Variants in SERINC5 observed in about 807,000 individuals in gnomAD.
The protein encoded by SERINC5 is chromosome 5 open reading frame 12.
SERINC5 carries 41 observed loss-of-function variants against 63.1 expected under a neutral mutation model. That is an observed-to-expected ratio of 0.65 (90% CI 0.51 to 0.84). SERINC5 has a LOEUF of 0.84. Among genes scored for constraint, SERINC5 ranks in the 40% least tolerant of loss-of-function variants. The pLI is 0.00. For missense variants in SERINC5, 523 were observed against 573.0 expected (o/e 0.91, Z 0.89); for synonymous variants, 222 against 215.2 (o/e 1.03, Z -0.28).
intron 1 of SERINC5, among the ~76,000 whole-genome samples, chr5:80,217,866 G>A (rs1044123927): frequency 5.9e-5 from 9 of 152,102 alleles, no homozygotes; most frequent in Non-Finnish European, 1.0e-4. Flanking sequence ...GAAAACCGAG[G>A]CCCAGAAAGG....
In SERINC5 at chr5:80,159,356, T is replaced by C. The variant is rs190630088; in HGVS notation, c.860-394A>G. On this transcript the variant is annotated intron_variant, in intron 7 of 11. Transcript: ENST00000507668. ...CAACAGCCAACAATAGCTCCTAAAC[T>C]AGTTGAGAAGTCATTTTGCTGTAAG... Among the ~76,000 whole-genome samples, 101 of 152,048 alleles carry C rather than the reference T, an allele frequency of 6.6e-4. 1 individual carries two copies. In the South Asian group the frequency reaches 8.7e-3, roughly 13 times the overall value.
Position 80,143,211 on chromosome 5 carries a change from ACAAGG to A in SERINC5, c.*447_*451del, listed in dbSNP as rs1002329739. ...GTCCTGTCCTCAAAGCCCCCTGGGG[ACAAGG>A]CTCTAAGAGGCGGAAGTGAGTGAGA... On this transcript the variant is annotated 3_prime_UTR_variant, in exon 12 of 12. Coordinates refer to ENST00000507668, the MANE Select transcript of SERINC5 (RefSeq NM_001174072.3). 2.0e-6 allele frequency: 2 copies of A among 988,392 alleles called. No individual in the cohort carries two copies. Among genetic ancestry groups the A allele is most frequent in the African/African-American group, 3.5e-5 (2 of 57,252 alleles). 61.2% of individuals were successfully genotyped at this position (988,392 alleles called of 1,614,324 possible).
intron 1 of SERINC5, among the ~76,000 whole-genome samples, chr5:80,250,830 C>T (rs966856210): frequency 6.6e-6 from 1 of 152,146 alleles, no homozygotes; most frequent in African/African-American, 2.4e-5. Context: ...TGTAACTTTT[C>T]ACTTTCCTGA....
At chr5:80,255,873 G>T in intron 1 of SERINC5, 23 bp downstream of exon 1, 1 of 1,589,466 alleles carries the variant, frequency 6.3e-7, no homozygotes. Context: ...GACAACCCCC[G>T]CGCTGCGCCC....
At chr5:80,188,113 T>C (rs577419565) in intron 2 of SERINC5, among the ~76,000 whole-genome samples, 2 of 151,864 alleles carry the variant, frequency 1.3e-5, no homozygotes, top group South Asian at 4.2e-4. Context: ...TGAAACCCCG[T>C]CTCTGCTAAA....
At chr5:80,199,866 G>A (rs766820553) in intron 2 of SERINC5, among the ~76,000 whole-genome samples, 1 of 152,070 alleles carries the variant, frequency 6.6e-6, no homozygotes, top group Non-Finnish European at 1.5e-5. Flanking sequence ...CCACCTTAAT[G>A]GATTTAGAAA....
At chr5:80,238,141 T>C (rs1406598909) in intron 1 of SERINC5, among the ~76,000 whole-genome samples, 2 of 142,148 alleles carry the variant, frequency 1.4e-5, no homozygotes, top group Non-Finnish European at 3.1e-5. Context: ...AAAAGAAAAA[T>C]TGCAATCCCG....
intron 5 of SERINC5, among the ~76,000 whole-genome samples, chr5:80,172,519 A>G (rs955345596): frequency 1.3e-5 from 2 of 152,222 alleles, no homozygotes; most frequent in Non-Finnish European, 2.9e-5. Flanking sequence ...GTGTTCAAGC[A>G]ACCCAGCTAA....
intron 6 of SERINC5, among the ~76,000 whole-genome samples, chr5:80,168,081 T>A (rs1478113341): frequency 6.6e-6 from 1 of 152,224 alleles, no homozygotes; most frequent in Non-Finnish European, 1.5e-5. Flanking sequence ...AATCGGAATA[T>A]CAAGTTGTTC....
intron 11 of SERINC5, among the ~76,000 whole-genome samples, chr5:80,123,991 G>C (rs1274902168): frequency 1.3e-5 from 2 of 152,118 alleles, no homozygotes; most frequent in African/African-American, 4.8e-5. Flanking sequence ...AAGTTTCCCA[G>C]TGAAGGAAGG....
chr5:80,174,947 C>T lies in SERINC5; in HGVS notation c.551+7G>A, dbSNP rs1217860071. 2 of 1,580,468 alleles carry T rather than the reference C, an allele frequency of 1.3e-6. No homozygotes were observed. The highest frequency in any genetic ancestry group is 1.3e-5 in the African/African-American group (1 of 74,320). ...GTCAATGGGAAGCTTTCCATAAAGG[C>T]ACACACCAGTTCTTGTTCCACTTAT... On this transcript the variant is annotated splice_region_variant and intron_variant, in intron 5 of 11. Coordinates refer to ENST00000507668, the MANE Select transcript of SERINC5 (RefSeq NM_001174072.3).
rs371946245 is a variant in SERINC5, at chr5:80,212,229, G to A, written c.28-9176C>T. Among the ~76,000 whole-genome samples, 8 of 152,282 alleles carry A rather than the reference G, an allele frequency of 5.3e-5. No homozygotes were observed. The East Asian group carries it at 1.2e-3, about 22-fold the overall frequency. ...CGGCAGTGGGATGGGGCACAGTGGGGAAGTTCCTCAAATACTGAAGCTGAC... is the reference window on the plus strand; with the variant it reads ...CGGCAGTGGGATGGGGCACAGTGGGAAAGTTCCTCAAATACTGAAGCTGAC... On this transcript the variant is annotated intron_variant, in intron 1 of 11. Coordinates refer to ENST00000507668, the MANE Select transcript of SERINC5 (RefSeq NM_001174072.3).
intron 1 of SERINC5, among the ~76,000 whole-genome samples, chr5:80,207,865 C>T (rs191953141): frequency 2.0e-5 from 3 of 152,230 alleles, no homozygotes; most frequent in East Asian, 1.9e-4. Context: ...AAACAGCATC[C>T]GTAAAAGAAA....
At chr5:80,152,507 A>G (rs945655588) in intron 8 of SERINC5, among the ~76,000 whole-genome samples, 18 of 151,714 alleles carry the variant, frequency 1.2e-4, no homozygotes, top group Non-Finnish European at 2.5e-4. Flanking sequence ...AAAAAAAAAA[A>G]GAGTGGCACA....
In SERINC5 at chr5:80,141,247, C is replaced by A. The variant is rs1013235675; in HGVS notation, c.*2416G>T. ...AACTCTTCCTCTTGCATCAGACCAA[C>A]CGGCAGAAGGGAACGGGATGTCACA... On this transcript the variant is annotated 3_prime_UTR_variant, in exon 12 of 12. Coordinates refer to ENST00000507668, the MANE Select transcript of SERINC5 (RefSeq NM_001174072.3). 8.1e-6 allele frequency: 8 copies of A among 985,332 alleles called. No homozygotes were observed. The African/African-American group carries it at 1.4e-4, about 17-fold the overall frequency. The allele number at this position is 985,332 out of a possible 1,614,324, so 61.0% of individuals were successfully genotyped here.
chr5:80,117,894 G>A (rs1744395229), intron 11 of SERINC5, among the ~76,000 whole-genome samples: 1 of 151,608 alleles, frequency 6.6e-6, no homozygotes, highest in Admixed American at 6.6e-5. Context: ...TTTCTCCTCA[G>A]TGTGTCTCTT....
chr5:80,179,928 CTAATT>C (rs1336996387), intron 2 of SERINC5, among the ~76,000 whole-genome samples: 1 of 152,196 alleles, frequency 6.6e-6, no homozygotes, highest in African/African-American at 2.4e-5. Context: ...ACTTGGACAT[CTAATT>C]TAAAGGCAAA....
At chr5:80,197,781 G>A (rs114322194) in intron 2 of SERINC5, among the ~76,000 whole-genome samples, 3,625 of 152,260 alleles carry the variant, frequency 0.024, 143 homozygotes, top group African/African-American at 0.082. Context: ...TTGACTTAGC[G>A]TTTGGGTTGG....
intron 8 of SERINC5, among the ~76,000 whole-genome samples, chr5:80,151,889 C>T (rs1447256351): frequency 6.6e-6 from 1 of 152,140 alleles, no homozygotes; most frequent in Non-Finnish European, 1.5e-5. Flanking sequence ...AAGGTGGGGA[C>T]ACACACTCAT....
Sources: allele counts gnomAD v4.1 joint callset (sites outside exome capture counted in the v4.1 genomes callset), GRCh38; gene constraint gnomAD v4.1.1; transcripts MANE v1.5; gene names NCBI Gene and HGNC (gene_info 2026-07-23, HGNC 2026-07-21).